Variants in TTC28 observed in about 807,000 individuals in gnomAD.
TTC28 encodes tetratricopeptide repeat protein 28.
In TTC28, 61 loss-of-function variants were observed where a neutral mutation model predicts 198.0. The observed-to-expected ratio is 0.31, with a 90% CI of 0.25 to 0.38. The LOEUF is 0.38. TTC28 is among the 10% of genes least tolerant of loss of function. The pLI is 1.00. For missense variants in TTC28, 2,678 were observed against 3,164.0 expected (o/e 0.85, Z 3.69); for synonymous variants, 1,171 against 1,297.8 (o/e 0.90, Z 2.10).
chr22:28,382,314 G>C (rs1167239227), intron 2 of TTC28, among the ~76,000 whole-genome samples: 1 of 152,076 alleles, frequency 6.6e-6, no homozygotes, highest in East Asian at 1.9e-4. Context: ...ACTATACCAA[G>C]AGCATTTTAT....
chr22:28,227,659 CAAT>C (rs997497987), intron 5 of TTC28, among the ~76,000 whole-genome samples: 99 of 150,982 alleles, frequency 6.6e-4, no homozygotes, highest in African/African-American at 2.3e-3. Context: ...ATCAAAACCA[CAAT>C]GAGATACCAC....
intron 2 of TTC28, among the ~76,000 whole-genome samples, chr22:28,390,665 C>T (rs1192712006): frequency 6.6e-6 from 1 of 152,018 alleles, no homozygotes; most frequent in Admixed American, 6.6e-5. Context: ...AGGATTACAA[C>T]CCCTGCCTTT....
At chr22:28,272,148 A>G (rs192980316) in intron 5 of TTC28, among the ~76,000 whole-genome samples, 18 of 152,348 alleles carry the variant, frequency 1.2e-4, no homozygotes, top group African/African-American at 4.3e-4. Flanking sequence ...AACAAACCTT[A>G]GAGTCTTGAA....
intron 2 of TTC28, among the ~76,000 whole-genome samples, chr22:28,583,704 G>A (rs1164203018): frequency 2.0e-5 from 3 of 152,084 alleles, no homozygotes; most frequent in Admixed American, 6.6e-5. Context: ...AACTTACACA[G>A]ATAGGAGTAA....
rs1032359821 is a variant in TTC28, at chr22:27,982,401, G to A, written c.7266C>T (p.Asp2422=). ...ELKELSLQQH[D]GAPPKAPPNG... ...TGGGAGGGGCTTTCGGTGGAGCTCC[G>A]TCATGCTGCTGCAGGGACAGCTCCT... Residue 2422 remains aspartate (D), a synonymous_variant, in exon 23 of 23, where the codon GAC becomes GAT. Coordinates refer to ENST00000397906, the MANE Select transcript of TTC28 (RefSeq NM_001145418.2). The surrounding 1 kb of genome is among the most constrained non-coding windows in gnomAD (Gnocchi z 5.2). 23 of 1,551,292 alleles carry A rather than the reference G, an allele frequency of 1.5e-5. No homozygotes were observed. The Admixed American group carries it at 1.8e-4, about 12-fold the overall frequency.
rs117957022 is a variant in TTC28, at chr22:28,430,426, T to C, written c.382-123783A>G. 4.7e-4 allele frequency among the ~76,000 whole-genome samples: 72 copies of C among 152,252 alleles called. 3 individuals are homozygous for C. In the East Asian group the frequency reaches 0.014, roughly 29 times the overall value. On this transcript the variant is annotated intron_variant, in intron 2 of 22. Coordinates refer to ENST00000397906, the MANE Select transcript of TTC28 (RefSeq NM_001145418.2). ...TTGTTTAACAGTACTACATAATATA[T>C]GTAGTAAAGACATGGCATTCTGAAG...
intron 2 of TTC28, among the ~76,000 whole-genome samples, chr22:28,604,527 T>C (rs2050698600): frequency 6.6e-6 from 1 of 151,800 alleles, no homozygotes; most frequent in Admixed American, 6.6e-5. Flanking sequence ...GCAGATCATC[T>C]GAGGTCAGGA....
intron 6 of TTC28, among the ~76,000 whole-genome samples, chr22:28,141,689 C>G (rs951035706): frequency 2.6e-5 from 4 of 152,130 alleles, no homozygotes; most frequent in African/African-American, 7.2e-5. Context: ...TTCACACTCA[C>G]AATCTCTCCT....
intron 12 of TTC28, among the ~76,000 whole-genome samples, chr22:28,060,273 G>T (rs1044111841): frequency 1.3e-5 from 2 of 152,084 alleles, no homozygotes; most frequent in African/African-American, 4.8e-5. Flanking sequence ...ACAGGCTCCG[G>T]TGTGTGATGT....
At chr22:28,613,493 C>CA (rs1243301838) in intron 2 of TTC28, among the ~76,000 whole-genome samples, 1 of 151,954 alleles carries the variant, frequency 6.6e-6, no homozygotes, top group Non-Finnish European at 1.5e-5. Flanking sequence ...AGAGACACAA[C>CA]AAAAAAAGAG....
At chr22:28,238,101 C>T (rs956153445) in intron 5 of TTC28, among the ~76,000 whole-genome samples, 2 of 152,030 alleles carry the variant, frequency 1.3e-5, no homozygotes, top group Non-Finnish European at 2.9e-5. Context: ...GTTTTTACTG[C>T]ACGAATGGGG....
intron 2 of TTC28, among the ~76,000 whole-genome samples, chr22:28,410,769 G>A (rs191859795): frequency 6.6e-6 from 1 of 152,312 alleles, no homozygotes; most frequent in East Asian, 1.9e-4. Flanking sequence ...ATACATTTGT[G>A]AGGATGAAAA....
intron 5 of TTC28, among the ~76,000 whole-genome samples, chr22:28,191,030 A>AT (rs1924691824): frequency 6.6e-6 from 1 of 151,998 alleles, no homozygotes; most frequent in Non-Finnish European, 1.5e-5. Flanking sequence ...GCAAATAACG[A>AT]TTTTCACAAT....
intron 9 of TTC28, 68 bp from the exon 10 acceptor site, chr22:28,099,112 GAC>G: frequency 6.5e-7 from 1 of 1,532,772 alleles, no homozygotes; most frequent in Non-Finnish European, 8.8e-7. Context: ...ACAGACTAGA[GAC>G]AACTTTTGCT....
chr22:28,292,678 C>T (rs989350933), intron 5 of TTC28, among the ~76,000 whole-genome samples: 7 of 152,226 alleles, frequency 4.6e-5, no homozygotes, highest in African/African-American at 1.7e-4. Flanking sequence ...TTCCAAGTTT[C>T]ACCTGTTTCA....
intron 2 of TTC28, among the ~76,000 whole-genome samples, chr22:28,600,299 A>G (rs1340278354): frequency 6.6e-6 from 1 of 151,990 alleles, no homozygotes; most frequent in Admixed American, 6.6e-5. Context: ...CCGCTACCTA[A>G]GAGGCTAAGG....
At chr22:28,178,853 T>C (rs569057951) in intron 5 of TTC28, among the ~76,000 whole-genome samples, 1 of 152,164 alleles carries the variant, frequency 6.6e-6, no homozygotes, top group Admixed American at 6.5e-5. Context: ...TATCCAAAAG[T>C]ACACAATTAA....
intron 6 of TTC28, among the ~76,000 whole-genome samples, chr22:28,132,513 A>T (rs1290090153): frequency 6.6e-6 from 1 of 152,214 alleles, no homozygotes; most frequent in Non-Finnish European, 1.5e-5. Context: ...TACTTTTTTC[A>T]TCAGTAAAGT....
intron 15 of TTC28, 191 bp downstream of exon 15, chr22:28,001,183 T>G (rs1601503091): frequency 1.6e-6 from 1 of 628,864 alleles, no homozygotes. Flanking sequence ...TGGCCAGGGG[T>G]CATGAGGGCC....
Sources: allele counts gnomAD v4.1 joint callset (sites outside exome capture counted in the v4.1 genomes callset), GRCh38; gene constraint gnomAD v4.1.1; non-coding constraint Gnocchi (gnomAD v3.1); transcripts MANE v1.5; gene names NCBI Gene and HGNC (gene_info 2026-07-23, HGNC 2026-07-21).